HPSE2: variants seen among roughly 807,000 people sequenced by gnomAD.
HPSE2 encodes inactive heparanase-2.
HPSE2 carries 38 observed loss-of-function variants against 60.5 expected under a neutral mutation model. That is an observed-to-expected ratio of 0.63 (90% confidence interval 0.48 to 0.82). The LOEUF (loss-of-function observed/expected upper bound fraction) is 0.82, where lower values mean the gene tolerates loss of function less well. HPSE2 is among the 40% of genes least tolerant of loss of function. The pLI is 0.00. For synonymous variants in HPSE2, 295 were observed against 293.2 expected (o/e 1.01, Z -0.06); for missense variants, 713 against 740.4 (o/e 0.96, Z 0.43).
the HPSE2 span, among the ~76,000 whole-genome samples, chr10:99,302,235 AAT>A: frequency 6.6e-6 from 1 of 152,130 alleles, no homozygotes; most frequent in Non-Finnish European, 1.5e-5. Context: ...CTTAAGAGTC[AAT>A]ATATATACTG....
At chr10:98,610,053 G>C (rs1423742072) in intron 9 of HPSE2, among the ~76,000 whole-genome samples, 1 of 152,032 alleles carries the variant, frequency 6.6e-6, no homozygotes, top group Non-Finnish European at 1.5e-5. Context: ...ATGTTAGCCA[G>C]GATGGTCTCA....
chr10:99,151,809 A>T (rs1372651241), intron 2 of HPSE2, among the ~76,000 whole-genome samples: 1 of 152,188 alleles, frequency 6.6e-6, no homozygotes, highest in Non-Finnish European at 1.5e-5. Context: ...CCAGCTATTC[A>T]GGAAGCTGAA....
At chr10:98,655,303 G>A (rs1262629965) in intron 6 of HPSE2, among the ~76,000 whole-genome samples, 1 of 151,978 alleles carries the variant, frequency 6.6e-6, no homozygotes, top group East Asian at 1.9e-4. Flanking sequence ...ACAGTTACTA[G>A]GAAACCTTTT....
At position 98,903,465 on chromosome 10, in the gene HPSE2, G is replaced by A. The variant is rs189333349; in HGVS notation, c.611-159409C>T. 5.3e-5 allele frequency among the ~76,000 whole-genome samples: 8 copies of A among 152,078 alleles called. No individual in the cohort carries two copies. In the East Asian group the frequency reaches 1.5e-3, roughly 29 times the overall value. On this transcript the variant is annotated intron_variant, in intron 3 of 11. Transcript: ENST00000370552. ...GCTATGTTAAAGATAAAAAAATAAAGGCAAAAAATGTATTCGGTCTCTCTG... is the reference window on the plus strand; with the variant it reads ...GCTATGTTAAAGATAAAAAAATAAAAGCAAAAAATGTATTCGGTCTCTCTG...
chr10:98,985,124 T>A (rs1294500713), intron 3 of HPSE2, among the ~76,000 whole-genome samples: 1 of 152,042 alleles, frequency 6.6e-6, no homozygotes, highest in Non-Finnish European at 1.5e-5. Flanking sequence ...ACATTCAGAC[T>A]CAGGAAATAC....
chr10:98,852,141 GTGTGTGTGTGTGTGTGTGTGTGTGTA>G (rs1316050558), intron 3 of HPSE2, among the ~76,000 whole-genome samples: 3 of 138,504 alleles, frequency 2.2e-5, no homozygotes, highest in African/African-American at 8.1e-5. Context: ...GTGTGTGTGT[GTGTGTGTGTGTGTGTGTGTGTGTGTA>G]TATATGTTTG....
chr10:98,465,806 C>T (rs961372912), intron 11 of HPSE2, among the ~76,000 whole-genome samples: 13 of 152,194 alleles, frequency 8.5e-5, no homozygotes, highest in Non-Finnish European at 1.8e-4. Context: ...TCTCTTAATT[C>T]CCTAGCTTGC....
At chr10:98,472,256 T>A (rs1179401603) in intron 11 of HPSE2, among the ~76,000 whole-genome samples, 3 of 152,130 alleles carry the variant, frequency 2.0e-5, no homozygotes, top group Non-Finnish European at 1.5e-5. Flanking sequence ...ATTTCGGCCT[T>A]TCTGAACTGG....
intron 4 of HPSE2, among the ~76,000 whole-genome samples, chr10:98,722,429 TTGA>T (rs538809014): frequency 9.9e-5 from 15 of 151,972 alleles, no homozygotes; most frequent in Admixed American, 3.3e-4. Flanking sequence ...ACCAATACTG[TTGA>T]TGCTCTGGTT....
chr10:99,172,507 G>A (rs926422405), intron 2 of HPSE2, among the ~76,000 whole-genome samples: 1 of 152,174 alleles, frequency 6.6e-6, no homozygotes, highest in East Asian at 1.9e-4. Context: ...GGAATATAAA[G>A]ATGAATAAAT....
the HPSE2 span, among the ~76,000 whole-genome samples, chr10:99,247,973 T>C: frequency 6.6e-6 from 1 of 152,240 alleles, no homozygotes; most frequent in Non-Finnish European, 1.5e-5. Flanking sequence ...CCATACTTAC[T>C]GTACAGCCTG....
At chr10:98,849,834 T>A (rs990169944) in intron 3 of HPSE2, among the ~76,000 whole-genome samples, 1 of 152,078 alleles carries the variant, frequency 6.6e-6, no homozygotes, top group Non-Finnish European at 1.5e-5. Flanking sequence ...AACCTCCGCC[T>A]CCCAGGTTCA....
intron 3 of HPSE2, among the ~76,000 whole-genome samples, chr10:99,095,588 C>T (rs917635017): frequency 6.6e-6 from 1 of 152,176 alleles, no homozygotes; most frequent in Non-Finnish European, 1.5e-5. Context: ...TAACTACTAA[C>T]CTACTTTCTG....
the HPSE2 span, among the ~76,000 whole-genome samples, chr10:99,257,572 T>C: frequency 6.6e-6 from 1 of 152,214 alleles, no homozygotes; most frequent in African/African-American, 2.4e-5. Context: ...ACCGGTTGTC[T>C]GCTCTCAAAC....
chr10:98,718,144 AC>A (rs1489025227), intron 5 of HPSE2, among the ~76,000 whole-genome samples: 1 of 152,206 alleles, frequency 6.6e-6, no homozygotes, highest in African/African-American at 2.4e-5. Context: ...ATAAAAGTTT[AC>A]AAAAGAAAAA....
chr10:98,989,309 G>T (rs1160486473), intron 3 of HPSE2, among the ~76,000 whole-genome samples: 27 of 152,136 alleles, frequency 1.8e-4, no homozygotes, highest in African/African-American at 5.3e-4. Context: ...TCGAATACTA[G>T]GCAGCCATAA....
At chr10:98,559,607 G>C (rs1332259238) in intron 9 of HPSE2, among the ~76,000 whole-genome samples, 1 of 152,048 alleles carries the variant, frequency 6.6e-6, no homozygotes, top group Non-Finnish European at 1.5e-5. Flanking sequence ...CTCACTCACC[G>C]ACCGACAAAC....
chr10:98,619,380 C>A (rs1315731209), intron 8 of HPSE2, among the ~76,000 whole-genome samples: 1 of 152,160 alleles, frequency 6.6e-6, no homozygotes, highest in Non-Finnish European at 1.5e-5. Context: ...ATTCTCCAGA[C>A]GACTGTAGTA....
At chr10:98,875,520 T>G (rs1448074125) in intron 3 of HPSE2, among the ~76,000 whole-genome samples, 2 of 151,898 alleles carry the variant, frequency 1.3e-5, no homozygotes, top group Non-Finnish European at 2.9e-5. Flanking sequence ...AGTTCTGAAA[T>G]TGAGGCAGTA....
Sources: allele counts gnomAD v4.1 joint callset (sites outside exome capture counted in the v4.1 genomes callset), GRCh38; gene constraint gnomAD v4.1.1; transcripts MANE v1.5; gene names NCBI Gene and HGNC (gene_info 2026-07-23, HGNC 2026-07-21).